CNR2: variants seen among roughly 807,000 people sequenced by gnomAD.
The protein encoded by CNR2 is cannabinoid receptor 2 (macrophage).
For missense variants in CNR2, 379 were observed against 439.9 expected (o/e 0.86, Z 1.24); for synonymous variants, 172 against 182.2 (o/e 0.94, Z 0.45).
chr1:23,903,549 G>A (rs111844379), intron 1 of CNR2, among the ~76,000 whole-genome samples: 8 of 149,210 alleles, frequency 5.4e-5, no homozygotes, highest in Admixed American at 4.7e-4. Context: ...CTCCAGCCTG[G>A]GTGACAGAGT....
At chr1:23,907,479 CA>C (rs1299552778) in intron 1 of CNR2, among the ~76,000 whole-genome samples, 1 of 150,142 alleles carries the variant, frequency 6.7e-6, no homozygotes, top group Non-Finnish European at 1.5e-5. Context: ...TTAACACCAT[CA>C]TTTCCTTGTA....
intron 1 of CNR2, among the ~76,000 whole-genome samples, chr1:23,890,813 C>T (rs892623855): frequency 1.3e-5 from 2 of 150,446 alleles, no homozygotes; most frequent in African/African-American, 4.9e-5. Context: ...TGGGCCCCTG[C>T]TGCAGTGTTC....
intron 1 of CNR2, chr1:23,902,107 C>G: frequency 6.8e-7 from 1 of 1,466,922 alleles, no homozygotes; most frequent in Non-Finnish European, 9.5e-7. Flanking sequence ...GAGGGCTCGC[C>G]CCAAAACATG....
chr1:23,898,691 T>C (rs1460731939), intron 1 of CNR2, among the ~76,000 whole-genome samples: 11 of 113,318 alleles, frequency 9.7e-5, no homozygotes, highest in African/African-American at 3.4e-4. Context: ...CTCACTCTGC[T>C]GCCCAGGCTG....
chr1:23,890,204 A>T (rs1640160959), intron 1 of CNR2, among the ~76,000 whole-genome samples: 1 of 148,610 alleles, frequency 6.7e-6, no homozygotes, highest in Non-Finnish European at 1.5e-5. Context: ...GGCTGCAGTA[A>T]GCAGTGATTG....
chr1:23,883,509 G>A (rs964229311), intron 1 of CNR2, among the ~76,000 whole-genome samples: 11 of 152,166 alleles, frequency 7.2e-5, no homozygotes, highest in Non-Finnish European at 1.5e-4. Flanking sequence ...TGGTGAAAAC[G>A]TGCCAACAAT....
At chr1:23,887,424 G>A (rs963354942) in intron 1 of CNR2, among the ~76,000 whole-genome samples, 1 of 152,234 alleles carries the variant, frequency 6.6e-6, no homozygotes, top group Non-Finnish European at 1.5e-5. Context: ...GCCTAGAAGA[G>A]GGATGCTGGG....
chr1:23,902,659 C>A, intron 1 of CNR2: 1 of 1,595,758 alleles, frequency 6.3e-7, no homozygotes, highest in Admixed American at 1.7e-5. Flanking sequence ...CTGGTCGCCC[C>A]CGGGGGTCCC....
At chr1:23,901,678 C>G in intron 1 of CNR2, 3 of 1,474,052 alleles carry the variant, frequency 2.0e-6, no homozygotes, top group Non-Finnish European at 2.8e-6. Context: ...GGTGTTCAAA[C>G]CAGACCGGGA....
At chr1:23,897,994 T>C (rs1390658696) in intron 1 of CNR2, among the ~76,000 whole-genome samples, 2 of 152,132 alleles carry the variant, frequency 1.3e-5, no homozygotes, top group Admixed American at 1.3e-4. Flanking sequence ...TCTGTTGTTG[T>C]TCAAATCCAT....
intron 1 of CNR2, among the ~76,000 whole-genome samples, chr1:23,888,740 G>C (rs999736157): frequency 2.0e-5 from 3 of 152,148 alleles, no homozygotes; most frequent in African/African-American, 7.2e-5. Flanking sequence ...GGAGGCCGAG[G>C]AGGGCAGATC....
chr1:23,890,327 T>C (rs1640165272), intron 1 of CNR2, among the ~76,000 whole-genome samples: 1 of 151,002 alleles, frequency 6.6e-6, no homozygotes, highest in Non-Finnish European at 1.5e-5. Context: ...CAGCTATGCC[T>C]GACCTTCGCC....
At chr1:23,906,577 A>G (rs1640489983) in intron 1 of CNR2, among the ~76,000 whole-genome samples, 1 of 123,266 alleles carries the variant, frequency 8.1e-6, no homozygotes, top group African/African-American at 3.2e-5. Context: ...GAGTTTTGCC[A>G]CGTTGCCCAC....
intron 1 of CNR2, among the ~76,000 whole-genome samples, chr1:23,896,424 A>G (rs1640284187): frequency 6.6e-6 from 1 of 152,262 alleles, no homozygotes; most frequent in African/African-American, 2.4e-5. Flanking sequence ...AGGCATGAAG[A>G]CTAACTGAGT....
intron 1 of CNR2, chr1:23,901,950 G>A: frequency 6.2e-7 from 1 of 1,603,978 alleles, no homozygotes; most frequent in Non-Finnish European, 8.5e-7. Context: ...CTCTTGATCA[G>A]GGGGAAGTCC....
chr1:23,902,736 G>C lies in CNR2; in HGVS notation c.-46+10510C>G, dbSNP rs1640421730. 8.4e-6 allele frequency: 13 copies of C among 1,555,572 alleles called. No homozygotes were observed. The Admixed American group carries it at 9.3e-5, about 11-fold the overall frequency. On this transcript the variant is annotated intron_variant, in intron 1 of 1. Transcript: ENST00000374472. The stretch of plus-strand genomic sequence containing the variant: ...GAGCGCGTTCCTCTCGCGCAGCGTG[G>C]GGGACCGCGCCATTTGGGGCTCTCC...
chr1:23,903,465 T>C (rs1557534553), intron 1 of CNR2, among the ~76,000 whole-genome samples: 1 of 151,320 alleles, frequency 6.6e-6, no homozygotes, highest in Admixed American at 6.6e-5. Context: ...TCCCAGGCAC[T>C]TGGGAGGCTG....
At chr1:23,878,137 T>A (rs575229377) in intron 1 of CNR2, among the ~76,000 whole-genome samples, 1 of 152,088 alleles carries the variant, frequency 6.6e-6, no homozygotes, top group South Asian at 2.1e-4. Context: ...TGGGCAATAG[T>A]CAAAGAGGTA....
At chr1:23,884,374 C>T (rs1033664737) in intron 1 of CNR2, among the ~76,000 whole-genome samples, 4 of 16,032 alleles carry the variant, frequency 2.5e-4, no homozygotes, top group African/African-American at 4.7e-4. Flanking sequence ...GGCGCGATCT[C>T]GGCTCACTGC....
Sources: gnomAD v4.1 joint callset for allele counts (sites outside exome capture counted in the v4.1 genomes callset) on GRCh38, gnomAD v4.1.1 for gene constraint, MANE v1.5 for transcripts, NCBI Gene and HGNC (gene_info 2026-07-23, HGNC 2026-07-21) for gene names.